ATP2B4: variants seen among roughly 807,000 people sequenced by gnomAD.
The protein encoded by ATP2B4 is ATPase plasma membrane Ca2+ transporting 4.
In ATP2B4, 39 loss-of-function variants were observed where a neutral mutation model predicts 110.3. The ratio of observed to expected loss-of-function variants is 0.35; its 90% CI spans 0.27 to 0.46. The LOEUF (loss-of-function observed/expected upper bound fraction) is 0.46. Ranked by LOEUF, ATP2B4 falls within the 20% of genes least tolerant of loss-of-function variation. The pLI is 1.00. For missense variants in ATP2B4, 1,135 were observed against 1,530.9 expected (o/e 0.74, Z 4.32); for synonymous variants, 538 against 571.7 (o/e 0.94, Z 0.84).
intron 8 of ATP2B4, among the ~76,000 whole-genome samples, chr1:203,704,875 A>AT (rs1665805151): frequency 6.6e-6 from 1 of 152,124 alleles, no homozygotes; most frequent in African/African-American, 2.4e-5. Flanking sequence ...ACAGCTGTAT[A>AT]CAACTTACCT....
At chr1:203,651,611 T>G (rs1242728784) in intron 1 of ATP2B4, among the ~76,000 whole-genome samples, 1 of 152,202 alleles carries the variant, frequency 6.6e-6, no homozygotes, top group African/African-American at 2.4e-5. Context: ...CTAAAAAATA[T>G]ACTAGCTGGG....
Position 203,711,042 on chromosome 1 carries a change from G to C in ATP2B4, c.1965G>C (p.Glu655Asp). The C allele has an allele frequency of 6.2e-7, 1 of 1,614,124 alleles. No individual in the cohort carries two copies. The highest frequency in any genetic ancestry group is 8.5e-7 in the Non-Finnish European group (1 of 1,180,014). ...ACACAGAGCCCTCTTGGGACAATGAGAATGAGATCCTCACCGAACTGACCT... is the reference window on the plus strand; with the variant it reads ...ACACAGAGCCCTCTTGGGACAATGACAATGAGATCCTCACCGAACTGACCT... ...FDDTEPSWDNENEILTELTCI... is the reference protein window; with the variant it reads ...FDDTEPSWDNDNEILTELTCI... The change falls in exon 12 of 21, where the codon GAG becomes GAC. Residue 655 changes from glutamate to aspartate, a missense_variant. By Grantham distance (45) the Glu-to-Asp change is conservative. Transcript: ENST00000357681.
Position 203,658,877 on chromosome 1 carries a change from G to A in ATP2B4, c.-464-23865G>A, listed in dbSNP as rs12567985. ...AAATTAGCTGGGCGTGGTGGTGTGT[G>A]CCTGTAATCCCAGCTACTGAGGAGG... is the stretch of plus-strand genomic sequence containing the variant. On this transcript the variant is annotated intron_variant, in intron 1 of 20. Transcript: ENST00000357681. 6.4e-3 allele frequency among the ~76,000 whole-genome samples: 968 copies of A among 152,106 alleles called. 44 individuals carry two copies. The East Asian group carries it at 0.13, about 20-fold the overall frequency.
At chr1:203,643,509 C>T (rs1663695242) in intron 1 of ATP2B4, among the ~76,000 whole-genome samples, 1 of 152,220 alleles carries the variant, frequency 6.6e-6, no homozygotes, top group Non-Finnish European at 1.5e-5. Flanking sequence ...CACACCCACG[C>T]AGAGACTTTA....
intron 8 of ATP2B4, 123 bp from the exon 9 acceptor site, chr1:203,706,886 C>T: frequency 1.2e-5 from 9 of 769,232 alleles, no homozygotes; most frequent in Non-Finnish European, 1.9e-5. Context: ...TTTAGTAAGT[C>T]TTCCTGGCGA....
intron 1 of ATP2B4, among the ~76,000 whole-genome samples, chr1:203,648,078 C>T (rs899589453): frequency 6.6e-6 from 1 of 152,076 alleles, no homozygotes; most frequent in East Asian, 1.9e-4. Context: ...ATGTGGAACA[C>T]CCTAAATAAA....
chr1:203,720,326 G>A (rs1666284088), intron 15 of ATP2B4, among the ~76,000 whole-genome samples: 1 of 152,214 alleles, frequency 6.6e-6, no homozygotes, highest in Non-Finnish European at 1.5e-5. Flanking sequence ...GGATATCAAA[G>A]ATGATTGTAA....
At chr1:203,643,779 C>T (rs575227062) in intron 1 of ATP2B4, among the ~76,000 whole-genome samples, 2 of 152,178 alleles carry the variant, frequency 1.3e-5, no homozygotes, top group Non-Finnish European at 2.9e-5. Context: ...TTCATGTGAA[C>T]AGGCTTATGG....
chr1:203,678,159 G>A (rs1664883704), intron 1 of ATP2B4, among the ~76,000 whole-genome samples: 2 of 152,146 alleles, frequency 1.3e-5, no homozygotes, highest in South Asian at 2.1e-4. Context: ...ATTTAGTAGC[G>A]GGGAGACTCA....
intron 1 of ATP2B4, among the ~76,000 whole-genome samples, chr1:203,678,649 C>T (rs1664902993): frequency 6.6e-6 from 1 of 152,148 alleles, no homozygotes; most frequent in African/African-American, 2.4e-5. Context: ...AGCGATTCTC[C>T]CGCCTCAGCC....
chr1:203,716,476 GTAAACC>G (rs1666160813), intron 15 of ATP2B4, among the ~76,000 whole-genome samples: 1 of 145,162 alleles, frequency 6.9e-6, no homozygotes, highest in Non-Finnish European at 1.5e-5. Context: ...AATGTTCAAT[GTAAACC>G]ACATTGTTCG....
At chr1:203,658,278 C>T (rs1214105565) in intron 1 of ATP2B4, among the ~76,000 whole-genome samples, 3 of 151,476 alleles carry the variant, frequency 2.0e-5, no homozygotes, top group Admixed American at 6.6e-5. Flanking sequence ...AGTCCTAGCA[C>T]TCTGGAAAAC....
intron 16 of ATP2B4, 83 bp from the exon 17 acceptor site, chr1:203,721,114 G>A: frequency 2.1e-6 from 3 of 1,418,026 alleles, no homozygotes; most frequent in Non-Finnish European, 2.9e-6. Flanking sequence ...GTCTAGGTGG[G>A]TCGTGGGAGC....
intron 15 of ATP2B4, 82 bp downstream of exon 15, chr1:203,714,359 T>C: frequency 6.9e-7 from 1 of 1,445,258 alleles, no homozygotes; most frequent in Non-Finnish European, 9.7e-7. Flanking sequence ...TGCCTGCTGC[T>C]TGCTACACCT....
intron 1 of ATP2B4, among the ~76,000 whole-genome samples, chr1:203,633,714 A>ATAAATAAG (rs923735036): frequency 2.7e-3 from 2 of 740 alleles, no homozygotes; most frequent in African/African-American, 3.1e-3. Flanking sequence ...TCCATATCAG[A>ATAAATAAG]TAAATAAATA....
At chr1:203,692,122 C>T (rs527484008) in intron 2 of ATP2B4, among the ~76,000 whole-genome samples, 4 of 151,904 alleles carry the variant, frequency 2.6e-5, no homozygotes, top group African/African-American at 9.7e-5. Context: ...CCTCATGATC[C>T]GCCCGCCTCG....
chr1:203,708,350 A>G (rs1665910038), intron 10 of ATP2B4, among the ~76,000 whole-genome samples: 1 of 152,192 alleles, frequency 6.6e-6, no homozygotes, highest in African/African-American at 2.4e-5. Context: ...ATGTAAAAGC[A>G]ATGTCTCTAA....
chr1:203,630,406 A>G (rs1447840955), intron 1 of ATP2B4, among the ~76,000 whole-genome samples: 1 of 133,308 alleles, frequency 7.5e-6, no homozygotes, highest in Non-Finnish European at 1.6e-5. Context: ...CTGGCCTTGG[A>G]CCCAGCACCC....
At chr1:203,714,852 A>G (rs76216574) in intron 15 of ATP2B4, among the ~76,000 whole-genome samples, 2,429 of 152,300 alleles carry the variant, frequency 0.016, 72 homozygotes, top group African/African-American at 0.056. Flanking sequence ...CCTCCCATAC[A>G]GATTGAACTG....
Sources: allele counts gnomAD v4.1 joint callset (sites outside exome capture counted in the v4.1 genomes callset), GRCh38; gene constraint gnomAD v4.1.1; transcripts MANE v1.5; gene names NCBI Gene and HGNC (gene_info 2026-07-23, HGNC 2026-07-21).